NCR2: variants seen among roughly 807,000 people sequenced by gnomAD.
NCR2 encodes natural cytotoxicity triggering receptor 2, also known as NK cell activating receptor (NKp44).
In NCR2, 35 loss-of-function variants were observed where a neutral mutation model predicts 30.7. The observed-to-expected ratio is 1.14, with a 90% CI of 0.87 to 1.51. The LOEUF is 1.51. Among genes scored for constraint, NCR2 ranks in the 40% most tolerant of loss-of-function variants. The pLI is 0.00. For synonymous variants in NCR2, 146 were observed against 134.8 expected, an observed-to-expected ratio of 1.08 and a Z score of -0.58; for missense variants, 316 against 328.9, an observed-to-expected ratio of 0.96 and a Z score of 0.30.
At position 41,342,027 on chromosome 6, in the gene NCR2, G is replaced by A; in HGVS notation, c.531-9G>A. Reference sequence around the variant, plus strand: ...CGTCCTCTCCCCTTCCTGTCCCTCTGCCTTCCAGGCCACAGAACTCCACGC... The same window carrying A: ...CGTCCTCTCCCCTTCCTGTCCCTCTACCTTCCAGGCCACAGAACTCCACGC... On this transcript the variant is annotated splice_polypyrimidine_tract_variant and intron_variant, in intron 3 of 4. Transcript: ENST00000373089. 1.2e-6 allele frequency: 2 copies of A among 1,613,860 alleles called. No homozygotes were observed. The highest frequency in any genetic ancestry group is 1.7e-6 in the Non-Finnish European group (2 of 1,179,974).
rs1346192116 is a variant in NCR2 at position 41,348,375 on chromosome 6, TG to T, written c.645-2302del. ...ACCTGTGAGCTAGAGACAAGTTATC[TG>T]CCACACACACAACCCCAATGTCCAA... On this transcript the variant is annotated intron_variant, in intron 4 of 4. Coordinates refer to ENST00000373089, the MANE Select transcript of NCR2 (RefSeq NM_004828.4). 6.6e-5 allele frequency among the ~76,000 whole-genome samples: 10 copies of T among 152,098 alleles called. 1 individual carries two copies. Among genetic ancestry groups the T allele is most frequent in the Non-Finnish European group, 5.9e-5 (4 of 68,020 alleles).
chr6:41,345,199 C>T (rs1019961686), intron 4 of NCR2, among the ~76,000 whole-genome samples: 1 of 152,162 alleles, frequency 6.6e-6, no homozygotes, highest in Non-Finnish European at 1.5e-5. Flanking sequence ...ATCTAGGAGT[C>T]TAAGTGATTC....
intron 3 of NCR2, 25 bp from the exon 4 acceptor site, chr6:41,342,011 C>A (rs1397272512): frequency 1.9e-6 from 3 of 1,613,716 alleles, no homozygotes; most frequent in Non-Finnish European, 2.5e-6. Flanking sequence ...CCGTCCTCTC[C>A]CCTTCCTGTC....
At chr6:41,348,443 C>T (rs1176010933) in intron 4 of NCR2, among the ~76,000 whole-genome samples, 3 of 138,154 alleles carry the variant, frequency 2.2e-5, no homozygotes, top group African/African-American at 5.2e-5. Flanking sequence ...TATTTTTGTT[C>T]AAAAGAGGTG....
At chr6:41,339,569 T>TAGAGATGG (rs1174994793) in intron 2 of NCR2, among the ~76,000 whole-genome samples, 30 of 151,672 alleles carry the variant, frequency 2.0e-4, no homozygotes, top group African/African-American at 4.4e-4. Flanking sequence ...ATATTTTTAC[T>TAGAGATGG]AGAGATGGGG....
chr6:41,336,433 GC>G lies in NCR2; in HGVS notation c.394+6del. 6.2e-7 allele frequency: 1 copy of G among 1,608,626 alleles called. No individual in the cohort carries two copies. The highest frequency in any genetic ancestry group is 8.5e-7 in the Non-Finnish European group (1 of 1,175,840). On this transcript the variant is annotated splice_donor_region_variant and intron_variant, in intron 2 of 4. Coordinates refer to ENST00000373089, the MANE Select transcript of NCR2 (RefSeq NM_004828.4). ...TCTATCTGGTGGTATCTCCAGGTGA[GC>G]TCTTTCCCTAGGGTCCTCAGAGGGG... is the stretch of plus-strand genomic sequence containing the variant.
intron 4 of NCR2, among the ~76,000 whole-genome samples, chr6:41,348,133 T>C (rs1181888004): frequency 6.6e-6 from 1 of 152,200 alleles, no homozygotes; most frequent in Non-Finnish European, 1.5e-5. Flanking sequence ...AAAGAATTCG[T>C]GCCTGTATTT....
intron 4 of NCR2, among the ~76,000 whole-genome samples, chr6:41,349,954 A>G (rs1769389376): frequency 6.6e-6 from 1 of 152,214 alleles, no homozygotes; most frequent in South Asian, 2.1e-4. Flanking sequence ...ACAATGAGCC[A>G]CAAGAAGAAA....
intron 2 of NCR2, among the ~76,000 whole-genome samples, chr6:41,339,316 C>G (rs981106503): frequency 1.3e-5 from 2 of 152,094 alleles, no homozygotes; most frequent in African/African-American, 4.8e-5. Flanking sequence ...CCTGACTCGG[C>G]CTCCCAAAGT....
At chr6:41,349,691 T>TGCCCTCCA (rs1305873666) in intron 4 of NCR2, among the ~76,000 whole-genome samples, 2 of 152,310 alleles carry the variant, frequency 1.3e-5, no homozygotes, top group East Asian at 3.9e-4. Context: ...CAGAAGCTCC[T>TGCCCTCCA]GCCCTCCAGC....
At chr6:41,341,733 T>C in intron 2 of NCR2, 61 bp from the exon 3 acceptor site, 2 of 1,547,148 alleles carry the variant, frequency 1.3e-6, no homozygotes, top group Non-Finnish European at 1.7e-6. Context: ...CCAGCTCTCC[T>C]GCCGGCAGGC....
chr6:41,350,676 A>C lies in NCR2; in HGVS notation c.645-2A>C. 1 of 1,611,662 alleles carries C rather than the reference A, an allele frequency of 6.2e-7. No individual in the cohort carries two copies. The highest frequency in any genetic ancestry group is 8.5e-7 in the Non-Finnish European group (1 of 1,178,852). ...CTTCCTGGTTTCCTGCTCTGATTGC[A>C]GGGGGGACATATGGTGGAAAACCAT... On this transcript the variant is annotated splice_acceptor_variant, in intron 4 of 4. Coordinates refer to ENST00000373089, the MANE Select transcript of NCR2 (RefSeq NM_004828.4). LOFTEE classifies it high-confidence loss of function.
rs1690328596 is a variant in NCR2 at position 41,350,771 on chromosome 6, G to A, written c.738G>A (p.Trp246Ter). 1.3e-6 allele frequency: 2 copies of A among 1,575,390 alleles called. No individual in the cohort carries two copies. Among genetic ancestry groups the A allele is most frequent in the South Asian group, 2.2e-5 (2 of 90,250 alleles). The change falls in exon 5 of 5, where the codon TGG (tryptophan) becomes TGA (stop). Residue 246 changes from tryptophan to a stop codon, truncating the protein, a stop_gained. Coordinates refer to ENST00000373089, the MANE Select transcript of NCR2 (RefSeq NM_004828.4). LOFTEE classifies it high-confidence loss of function. The part of the protein sequence containing the change: ...CHLQQVTDLP[W>*]TSVSSPVERE... ...TTCAACAGGTCACGGACCTTCCCTGGACCTCAGTTTCCTCACCTGTAGAGA... is the reference window on the plus strand; with the variant it reads ...TTCAACAGGTCACGGACCTTCCCTGAACCTCAGTTTCCTCACCTGTAGAGA...
At position 41,343,161 on chromosome 6, in the gene NCR2, C is replaced by A. The variant is rs1356121650; in HGVS notation, c.644+1012C>A. 5.3e-6 allele frequency: 4 copies of A among 749,256 alleles called. No individual in the cohort carries two copies. The Admixed American group carries it at 1.1e-4, about 21-fold the overall frequency. The allele number at this position is 749,256 out of a possible 1,614,324, so 46.4% of individuals were successfully genotyped here. A position where few individuals can be genotyped will look rare whatever the true frequency, so the allele number is the denominator to read the frequency against. On this transcript the variant is annotated intron_variant, in intron 4 of 4. Coordinates refer to ENST00000373089, the MANE Select transcript of NCR2 (RefSeq NM_004828.4). ...ACGCTCTCCCTGCAGAGCTGCAGAACCCAGGCCCTCTACTTGCTCACCCTC... is the reference window on the plus strand; with the variant it reads ...ACGCTCTCCCTGCAGAGCTGCAGAAACCAGGCCCTCTACTTGCTCACCCTC...
chr6:41,348,679 C>T (rs993313950), intron 4 of NCR2, among the ~76,000 whole-genome samples: 2 of 151,996 alleles, frequency 1.3e-5, no homozygotes, highest in African/African-American at 2.4e-5. Context: ...CAGGCTGCTT[C>T]CTGCCAGTTT....
intron 4 of NCR2, among the ~76,000 whole-genome samples, chr6:41,349,228 T>C (rs1327827136): frequency 6.7e-6 from 1 of 150,338 alleles, no homozygotes; most frequent in African/African-American, 2.4e-5. Context: ...TATATATATT[T>C]CTTTGACCCT....
intron 2 of NCR2, among the ~76,000 whole-genome samples, chr6:41,341,420 A>T (rs1328171071): frequency 6.6e-6 from 1 of 152,112 alleles, no homozygotes; most frequent in Non-Finnish European, 1.5e-5. Flanking sequence ...CTCCCTTCCC[A>T]AGTCCCAGAG....
chr6:41,348,880 A>C (rs1417724106), intron 4 of NCR2, among the ~76,000 whole-genome samples: 1 of 152,126 alleles, frequency 6.6e-6, no homozygotes, highest in Non-Finnish European at 1.5e-5. Flanking sequence ...CTTCCACACC[A>C]TGTGCTTCTG....
At chr6:41,340,403 C>G (rs1769140063) in intron 2 of NCR2, among the ~76,000 whole-genome samples, 2 of 152,068 alleles carry the variant, frequency 1.3e-5, no homozygotes. Context: ...CTCAAGTGAT[C>G]CACCTGCCTC....
Sources: allele counts gnomAD v4.1 joint callset (sites outside exome capture counted in the v4.1 genomes callset), GRCh38; gene constraint gnomAD v4.1.1; transcripts MANE v1.5; gene names NCBI Gene and HGNC (gene_info 2026-07-23, HGNC 2026-07-21).